Variants in RANBP2 observed in about 807,000 individuals in gnomAD.
RANBP2 encodes the protein E3 SUMO-protein ligase RanBP2.
In RANBP2, 57 loss-of-function variants were observed where a neutral mutation model predicts 303.6. The ratio of observed to expected loss-of-function variants is 0.19; its 90% CI spans 0.15 to 0.23. The LOEUF is 0.23. RANBP2 is among the 10% of genes least tolerant of loss of function. RANBP2 has a pLI of 1.00. For synonymous variants in RANBP2, 1,167 were observed against 1,301.5 expected (o/e 0.90, Z 2.23); for missense variants, 3,138 against 3,780.8 (o/e 0.83, Z 4.46).
the RANBP2 span, among the ~76,000 whole-genome samples, chr2:109,623,046 G>T: frequency 6.6e-6 from 1 of 152,200 alleles, no homozygotes; most frequent in Non-Finnish European, 1.5e-5. Context: ...AGAATCACTT[G>T]AACCCAGGAG....
At chr2:109,548,668 C>T in the RANBP2 span, among the ~76,000 whole-genome samples, 5 of 145,112 alleles carry the variant, frequency 3.4e-5, no homozygotes, top group South Asian at 2.3e-4. Flanking sequence ...CCCAGCTACT[C>T]GGGAGGCTGA....
At chr2:109,381,730 T>G in the RANBP2 span, among the ~76,000 whole-genome samples, 1 of 152,050 alleles carries the variant, frequency 6.6e-6, no homozygotes, top group Non-Finnish European at 1.5e-5. Context: ...AAGCCAGGAA[T>G]AGATAGTCTC....
In RANBP2 at chr2:108,772,930, G is replaced by A; in HGVS notation, c.8176G>A (p.Ala2726Thr). The A allele has an allele frequency of 6.2e-7, 1 of 1,614,046 alleles. No homozygotes were observed. The highest frequency in any genetic ancestry group is 8.5e-7 in the Non-Finnish European group (1 of 1,179,974). ...ACCAACAGTTGAAGAGAAGGCAAAA[G>A]CAGATACGTTAAAACTTCCACCTAC... The part of the protein sequence containing the change: ...KKPTVEEKAK[A>T]DTLKLPPTFF... Residue 2726 changes from alanine to threonine, a missense_variant, in exon 23 of 29, where the codon GCA (alanine) becomes ACA (threonine). This residue lies in a region of RANBP2 where 497 missense variants were observed against 465.8 expected (regional missense o/e 1.07). Transcript: ENST00000283195.
At chr2:109,208,221 A>G in the RANBP2 span, among the ~76,000 whole-genome samples, 1 of 152,224 alleles carries the variant, frequency 6.6e-6, no homozygotes, top group Admixed American at 6.5e-5. Context: ...CTGAGGTTTT[A>G]GTTCACATCT....
Position 108,777,119 on chromosome 2 carries a change from T to A in RANBP2, c.8498-11T>A, listed in dbSNP as rs746003606. On this transcript the variant is annotated splice_polypyrimidine_tract_variant and intron_variant, in intron 24 of 28. Transcript: ENST00000283195. ...ATTAAATAGTAAATTGTTCTTTTTT[T>A]CTTTTGCCAGGGGAAAGCAAGATAG... is the stretch of plus-strand genomic sequence containing the variant. 1 of 1,611,676 alleles carries A rather than the reference T, an allele frequency of 6.2e-7. No individual in the cohort carries two copies. The highest frequency in any genetic ancestry group is 8.5e-7 in the Non-Finnish European group (1 of 1,178,218).
the RANBP2 span, among the ~76,000 whole-genome samples, chr2:109,454,529 C>T: frequency 1.8e-4 from 27 of 152,314 alleles, 1 homozygote; most frequent in African/African-American, 5.5e-4. Flanking sequence ...GCGCTCCCGC[C>T]GGCTGCCTGA....
At chr2:108,810,845 A>G in the RANBP2 span, among the ~76,000 whole-genome samples, 2 of 152,190 alleles carry the variant, frequency 1.3e-5, no homozygotes, top group South Asian at 4.1e-4. Context: ...ACTTTTTACT[A>G]CAATTCAATC....
At chr2:109,222,541 G>C in the RANBP2 span, among the ~76,000 whole-genome samples, 1 of 152,182 alleles carries the variant, frequency 6.6e-6, no homozygotes, top group Admixed American at 6.5e-5. Flanking sequence ...ATTGTTGGAG[G>C]GGCAAGGGTG....
the RANBP2 span, among the ~76,000 whole-genome samples, chr2:109,237,236 A>G: frequency 1.6e-4 from 25 of 152,380 alleles, no homozygotes; most frequent in South Asian, 5.0e-3. Flanking sequence ...CAAAGAATGT[A>G]TAGAAATAAG....
At chr2:109,729,248 A>C in the RANBP2 span, among the ~76,000 whole-genome samples, 3 of 152,226 alleles carry the variant, frequency 2.0e-5, no homozygotes, top group African/African-American at 7.2e-5. Flanking sequence ...GGTTGAAAAC[A>C]TCAATATAAA....
At chr2:109,520,464 G>A in the RANBP2 span, among the ~76,000 whole-genome samples, 1 of 151,834 alleles carries the variant, frequency 6.6e-6, no homozygotes. Context: ...GCCGGGGGTG[G>A]TGGCACATGC....
At chr2:108,925,964 C>G in the RANBP2 span, among the ~76,000 whole-genome samples, 1 of 152,192 alleles carries the variant, frequency 6.6e-6, no homozygotes. Flanking sequence ...TGTTATGAAA[C>G]TGTCCTTCCT....
chr2:109,680,433 G>T, the RANBP2 span, among the ~76,000 whole-genome samples: 1 of 151,638 alleles, frequency 6.6e-6, no homozygotes, highest in Admixed American at 6.6e-5. Context: ...TAAAAGAATT[G>T]TGTGTGCTTA....
the RANBP2 span, chr2:109,615,704 C>T: frequency 5.6e-6 from 9 of 1,613,744 alleles, no homozygotes; most frequent in Non-Finnish European, 4.2e-6. Context: ...GGGAAAGCGC[C>T]GCGGGTAGCG....
At chr2:109,136,483 C>G in the RANBP2 span, among the ~76,000 whole-genome samples, 1 of 152,158 alleles carries the variant, frequency 6.6e-6, no homozygotes, top group Admixed American at 6.5e-5. Context: ...GTGAGCCTCC[C>G]TTTTCCCATT....
chr2:108,958,434 CA>C, the RANBP2 span, among the ~76,000 whole-genome samples: 1 of 151,052 alleles, frequency 6.6e-6, no homozygotes, highest in Non-Finnish European at 1.5e-5. Context: ...AAACAAAAAA[CA>C]AAAAAAACCC....
At chr2:109,603,377 G>A in the RANBP2 span, among the ~76,000 whole-genome samples, 1 of 151,950 alleles carries the variant, frequency 6.6e-6, no homozygotes, top group African/African-American at 2.4e-5. Context: ...TGGGACTACA[G>A]GCACACACCG....
chr2:109,051,939 C>G, the RANBP2 span, among the ~76,000 whole-genome samples: 2 of 151,826 alleles, frequency 1.3e-5, no homozygotes, highest in Admixed American at 1.3e-4. Context: ...TAGTAGAGAC[C>G]GGGTTTCACC....
At chr2:109,005,872 C>G in the RANBP2 span, among the ~76,000 whole-genome samples, 3 of 152,220 alleles carry the variant, frequency 2.0e-5, no homozygotes, top group Non-Finnish European at 4.4e-5. Context: ...CAACCACAGC[C>G]CAGTTCAGCC....
Sources: allele counts gnomAD v4.1 joint callset (sites outside exome capture counted in the v4.1 genomes callset), GRCh38; gene constraint gnomAD v4.1.1; regional missense constraint gnomAD v4.1.1; transcripts MANE v1.5; gene names NCBI Gene and HGNC (gene_info 2026-07-23, HGNC 2026-07-21).